Variants in NECTIN3 observed in about 807,000 individuals in gnomAD.
NECTIN3 encodes the protein nectin cell adhesion molecule 3.
Under a neutral mutation model 49.4 loss-of-function variants are expected in NECTIN3, and 8 were observed. The ratio of observed to expected loss-of-function variants is 0.16; its 90% CI spans 0.10 to 0.29. The LOEUF (loss-of-function observed/expected upper bound fraction) is 0.29. NECTIN3 is among the 10% of genes least tolerant of loss of function. The pLI is 1.00. For missense variants in NECTIN3, 581 were observed against 654.6 expected, an observed-to-expected ratio of 0.89 and a Z score of 1.23; for synonymous variants, 277 against 241.1, an observed-to-expected ratio of 1.15 and a Z score of -1.38.
chr3:111,147,589 AGTG>A (rs1401150225), intron 7 of NECTIN3: 2 of 978,446 alleles, frequency 2.0e-6, no homozygotes, highest in African/African-American at 3.3e-5. Context: ...TTATGCATTA[AGTG>A]TTGTTTAGTC....
At chr3:111,103,852 G>A (rs1346086779) in intron 1 of NECTIN3, among the ~76,000 whole-genome samples, 1 of 152,072 alleles carries the variant, frequency 6.6e-6, no homozygotes, top group Non-Finnish European at 1.5e-5. Context: ...ATGCCCCTTT[G>A]TATTGCTGAC....
chr3:111,094,878 T>C (rs896435432), intron 1 of NECTIN3, among the ~76,000 whole-genome samples: 1 of 152,168 alleles, frequency 6.6e-6, no homozygotes, highest in Admixed American at 6.5e-5. Context: ...AAGAGTGAAC[T>C]ATCATCAGTT....
At chr3:111,157,074 A>C (rs2035112343) in intron 7 of NECTIN3, among the ~76,000 whole-genome samples, 1 of 152,186 alleles carries the variant, frequency 6.6e-6, no homozygotes, top group Admixed American at 6.5e-5. Flanking sequence ...TGTAAATTAA[A>C]ATGTTAATCT....
At chr3:111,100,334 C>T (rs552862815) in intron 1 of NECTIN3, among the ~76,000 whole-genome samples, 1 of 152,224 alleles carries the variant, frequency 6.6e-6, no homozygotes, top group African/African-American at 2.4e-5. Flanking sequence ...ATTTGAAATG[C>T]TCCAAAATTT....
At chr3:111,146,451 A>AT (rs2034879435) in intron 6 of NECTIN3, among the ~76,000 whole-genome samples, 1 of 151,938 alleles carries the variant, frequency 6.6e-6, no homozygotes, top group South Asian at 2.1e-4. Flanking sequence ...AAAAAAAAAA[A>AT]AGAGTGACTA....
chr3:111,092,460 A>G lies in NECTIN3; in HGVS notation c.161-19570A>G, dbSNP rs182124646. ...ATATTCAGCTCTATGATCCATTTTG[A>G]TATAATTTTTGTGTATGGTACAAGG... is the stretch of plus-strand genomic sequence containing the variant. On this transcript the variant is annotated intron_variant, in intron 1 of 5. Coordinates refer to ENST00000485303, the MANE Select transcript of NECTIN3 (RefSeq NM_015480.3). 1.7e-3 allele frequency among the ~76,000 whole-genome samples: 256 copies of G among 152,076 alleles called. 2 individuals carry two copies. Among genetic ancestry groups the G allele is most frequent in the African/African-American group, 5.8e-3 (242 of 41,486 alleles).
At chr3:111,147,669 A>G (rs2034907679) in intron 7 of NECTIN3, among the ~76,000 whole-genome samples, 2 of 152,180 alleles carry the variant, frequency 1.3e-5, no homozygotes, top group Non-Finnish European at 1.5e-5. Flanking sequence ...AAGTTTTAAC[A>G]TGCTCAGTCA....
intron 3 of NECTIN3, among the ~76,000 whole-genome samples, chr3:111,121,169 A>AT (rs559875982): frequency 0.013 from 1,735 of 137,546 alleles, 27 homozygotes; most frequent in African/African-American, 0.037. Flanking sequence ...CGCCTGGCTA[A>AT]TTTTTTTTTT....
chr3:111,100,081 C>T (rs1472581168), intron 1 of NECTIN3, among the ~76,000 whole-genome samples: 2 of 152,060 alleles, frequency 1.3e-5, no homozygotes, highest in African/African-American at 4.8e-5. Flanking sequence ...TTTTAAGTCT[C>T]ATTCTTAGAC....
intron 1 of NECTIN3, among the ~76,000 whole-genome samples, chr3:111,100,240 A>G (rs1217790962): frequency 3.3e-5 from 5 of 152,112 alleles, no homozygotes; most frequent in African/African-American, 7.2e-5. Flanking sequence ...ATAGAAGGCT[A>G]TATGAGAATT....
intron 1 of NECTIN3, among the ~76,000 whole-genome samples, chr3:111,109,275 G>A (rs1352346447): frequency 1.3e-5 from 2 of 151,860 alleles, no homozygotes. Context: ...TGAATTTTAG[G>A]GAGGACACAA....
At chr3:111,122,750 T>C (rs530876895) in intron 4 of NECTIN3, among the ~76,000 whole-genome samples, 10 of 152,262 alleles carry the variant, frequency 6.6e-5, no homozygotes, top group African/African-American at 2.4e-4. Context: ...TGGCTAATAT[T>C]TGCCTCTTTT....
intron 3 of NECTIN3, among the ~76,000 whole-genome samples, chr3:111,120,788 AG>A (rs1032627260): frequency 6.6e-5 from 10 of 152,026 alleles, no homozygotes; most frequent in African/African-American, 2.4e-4. Flanking sequence ...TCATTGGGGA[AG>A]CCTTTTATCA....
chr3:111,119,870 G>A (rs1014169853), intron 3 of NECTIN3, among the ~76,000 whole-genome samples: 1 of 152,098 alleles, frequency 6.6e-6, no homozygotes, highest in Admixed American at 6.5e-5. Flanking sequence ...TCTATTCTTT[G>A]TTGTTGCTAC....
At chr3:111,149,831 T>C (rs2034962676) in intron 7 of NECTIN3, among the ~76,000 whole-genome samples, 1 of 151,944 alleles carries the variant, frequency 6.6e-6, no homozygotes, top group African/African-American at 2.4e-5. Context: ...CTTCCTTATG[T>C]CATTCAGTTT....
intron 7 of NECTIN3, among the ~76,000 whole-genome samples, chr3:111,174,197 A>C (rs1402297977): frequency 6.6e-6 from 1 of 152,144 alleles, no homozygotes; most frequent in Non-Finnish European, 1.5e-5. Flanking sequence ...GCTTATGTTG[A>C]TTGCTCTAGC....
chr3:111,130,895 T>C (rs2034363096), intron 5 of NECTIN3, among the ~76,000 whole-genome samples: 1 of 152,118 alleles, frequency 6.6e-6, no homozygotes, highest in Non-Finnish European at 1.5e-5. Context: ...CTGTTTCTTA[T>C]CTTTAAATTT....
intron 7 of NECTIN3, among the ~76,000 whole-genome samples, chr3:111,181,415 C>CT (rs2035624981): frequency 6.6e-6 from 1 of 152,028 alleles, no homozygotes; most frequent in Non-Finnish European, 1.5e-5. Context: ...AGAAAAAAAC[C>CT]TTTTTCCTTT....
chr3:111,119,417 C>A (rs540848365), intron 3 of NECTIN3, among the ~76,000 whole-genome samples: 1 of 152,142 alleles, frequency 6.6e-6, no homozygotes, highest in South Asian at 2.1e-4. Context: ...CTGCAACTTC[C>A]GCCTCCCGGG....
Sources: gnomAD v4.1 joint callset for allele counts (sites outside exome capture counted in the v4.1 genomes callset) on GRCh38, gnomAD v4.1.1 for gene constraint, MANE v1.5 for transcripts, NCBI Gene and HGNC (gene_info 2026-07-23, HGNC 2026-07-21) for gene names.